Variants in COL5A2 observed in about 807,000 individuals in gnomAD.
COL5A2 encodes the protein collagen alpha-2(V) chain.
A neutral mutation model predicts 208.2 loss-of-function variants in COL5A2; 23 were observed. The ratio of observed to expected loss-of-function variants is 0.11; its 90% CI spans 0.08 to 0.16. COL5A2 has a LOEUF of 0.16. Among genes scored for constraint, COL5A2 ranks in the 10% least tolerant of loss-of-function variants. The probability of loss-of-function intolerance (pLI) is 1.00; values close to 1 mark genes in which losing one functional copy is unlikely to be tolerated. For missense variants in COL5A2, 1,590 were observed against 1,956.4 expected (o/e 0.81, Z 3.53); for synonymous variants, 625 against 628.5 (o/e 0.99, Z 0.08).
At chr2:189,335,797 T>C in the COL5A2 span, among the ~76,000 whole-genome samples, 16 of 152,018 alleles carry the variant, frequency 1.1e-4, no homozygotes, top group African/African-American at 3.6e-4. Context: ...ATATGGGGTA[T>C]ATCTGAGATG....
At chr2:189,106,310 A>G (rs1687147734) in intron 2 of COL5A2, among the ~76,000 whole-genome samples, 1 of 151,402 alleles carries the variant, frequency 6.6e-6, no homozygotes, top group Non-Finnish European at 1.5e-5. Context: ...AAAAATTTTC[A>G]TCAGATCTCA....
intron 11 of COL5A2, 48 bp downstream of exon 11, chr2:189,085,112 C>A: frequency 6.9e-7 from 1 of 1,444,636 alleles, no homozygotes; most frequent in South Asian, 1.2e-5. Flanking sequence ...CATTTTAACC[C>A]CTTCGCCTCT....
chr2:189,435,871 C>T, the COL5A2 span, among the ~76,000 whole-genome samples: 16 of 152,218 alleles, frequency 1.1e-4, no homozygotes, highest in Admixed American at 2.6e-4. Flanking sequence ...TAAAGACACA[C>T]GCACACGTTA....
chr2:189,190,877 T>G (rs1688914426), intron 1 of COL5A2, among the ~76,000 whole-genome samples: 1 of 152,152 alleles, frequency 6.6e-6, no homozygotes. Flanking sequence ...AATGCAGATA[T>G]GTACAGGATA....
intron 3 of COL5A2, among the ~76,000 whole-genome samples, chr2:189,103,205 T>G (rs1197110523): frequency 6.6e-6 from 1 of 152,102 alleles, no homozygotes; most frequent in African/African-American, 2.4e-5. Context: ...TAAGTTTCAA[T>G]TTATTTTCGT....
At chr2:189,404,308 G>GA in the COL5A2 span, among the ~76,000 whole-genome samples, 3 of 152,180 alleles carry the variant, frequency 2.0e-5, no homozygotes, top group Non-Finnish European at 2.9e-5. Flanking sequence ...AAGAGGGCCT[G>GA]AATAGAACAG....
intron 1 of COL5A2, among the ~76,000 whole-genome samples, chr2:189,158,211 G>A (rs777084814): frequency 2.0e-5 from 3 of 151,928 alleles, no homozygotes; most frequent in Non-Finnish European, 4.4e-5. Context: ...GAAATTTGGG[G>A]TTATTTAGGT....
rs767954037 is a variant in COL5A2 at position 189,032,529 on chromosome 2, G to A, written c.*1541C>T. ...CAAAAACCACTGACATGACAAAAGC[G>A]TGCATTTAATTTGATGCTTTGCAGA... is the stretch of plus-strand genomic sequence containing the variant. On this transcript the variant is annotated 3_prime_UTR_variant, in exon 54 of 54. Transcript: ENST00000374866. 2.6e-5 allele frequency: 4 copies of A among 152,056 alleles called. No homozygotes were observed. The highest frequency in any genetic ancestry group is 1.9e-4 in the East Asian group (1 of 5,200). 9.4% of individuals were successfully genotyped at this position (152,056 alleles called of 1,614,324 possible). A position where few individuals can be genotyped will look rare whatever the true frequency, so the allele number is the denominator to read the frequency against.
intron 6 of COL5A2, among the ~76,000 whole-genome samples, chr2:189,094,441 T>C (rs1686856322): frequency 6.6e-6 from 1 of 151,574 alleles, no homozygotes; most frequent in African/African-American, 2.4e-5. Context: ...GATACTCAAA[T>C]ACCTCCGCAG....
chr2:189,086,631 C>T (rs1471570846), intron 9 of COL5A2, 95 bp downstream of exon 9: 1 of 976,528 alleles, frequency 1.0e-6, no homozygotes, highest in Non-Finnish European at 1.6e-6. Flanking sequence ...AATTTTAAAA[C>T]CAGCCAAAAG....
intron 29 of COL5A2, among the ~76,000 whole-genome samples, 153 bp downstream of exon 29, chr2:189,062,712 T>C (rs766910964): frequency 3.3e-5 from 5 of 152,026 alleles, no homozygotes; most frequent in Non-Finnish European, 7.4e-5. Context: ...CTCACAGAAA[T>C]CAAAAGAGAA....
At chr2:189,395,691 G>A in the COL5A2 span, among the ~76,000 whole-genome samples, 5 of 151,718 alleles carry the variant, frequency 3.3e-5, no homozygotes, top group Non-Finnish European at 7.4e-5. Flanking sequence ...GTCACTTGAG[G>A]TCAGGAGTTC....
chr2:189,416,068 C>T, the COL5A2 span, among the ~76,000 whole-genome samples: 85,935 of 152,056 alleles, frequency 0.57, 26,090 homozygotes, highest in East Asian at 0.69. Flanking sequence ...ACAACAGGTG[C>T]TGGAGAGGAT....
chr2:189,230,297 C>T (rs2105887241), upstream of COL5A2, among the ~76,000 whole-genome samples: 2 of 151,822 alleles, frequency 1.3e-5, no homozygotes, highest in South Asian at 4.1e-4. Flanking sequence ...ACCCTAAAAA[C>T]ACAGGCAACG....
chr2:189,094,184 G>A (rs1279486499), intron 6 of COL5A2, among the ~76,000 whole-genome samples: 1 of 151,962 alleles, frequency 6.6e-6, no homozygotes, highest in East Asian at 1.9e-4. Context: ...ATGTCTCCAC[G>A]GAATGCCCTC....
chr2:189,393,423 T>C, the COL5A2 span, among the ~76,000 whole-genome samples: 4 of 152,192 alleles, frequency 2.6e-5, no homozygotes, highest in Non-Finnish European at 5.9e-5. Context: ...TTTTTTAATA[T>C]GTTTTTCAGC....
At chr2:189,157,410 C>T (rs1282304753) in intron 1 of COL5A2, among the ~76,000 whole-genome samples, 1 of 151,724 alleles carries the variant, frequency 6.6e-6, no homozygotes, top group Non-Finnish European at 1.5e-5. Flanking sequence ...ATTAAATTGA[C>T]AGAGCATGCT....
the COL5A2 span, among the ~76,000 whole-genome samples, chr2:189,395,696 G>A: frequency 4.5e-4 from 69 of 151,800 alleles, 1 homozygote; most frequent in African/African-American, 1.6e-3. Context: ...TTGAGGTCAG[G>A]AGTTCGAAAT....
At chr2:189,084,409 GCTTCTTAAAATA>G (rs1203198084) in intron 11 of COL5A2, among the ~76,000 whole-genome samples, 1 of 152,072 alleles carries the variant, frequency 6.6e-6, no homozygotes, top group Non-Finnish European at 1.5e-5. Context: ...TTAAAGTATT[GCTTCTTAAAATA>G]CTACTTTCCA....
Sources: allele counts gnomAD v4.1 joint callset (sites outside exome capture counted in the v4.1 genomes callset), GRCh38; gene constraint gnomAD v4.1.1; transcripts MANE v1.5; gene names NCBI Gene and HGNC (gene_info 2026-07-23, HGNC 2026-07-21).